The following TAOK3 variants were observed in gnomAD, a reference collection of about 807,000 sequenced individuals.
TAOK3 encodes TAO kinase 3, also known as serine/threonine-protein kinase TAO3.
In TAOK3, 40 loss-of-function variants were observed where a neutral mutation model predicts 120.4. The observed-to-expected ratio is 0.33, with a 90% confidence interval of 0.26 to 0.43. The LOEUF (loss-of-function observed/expected upper bound fraction) is 0.43. Ranked by LOEUF, TAOK3 falls within the 20% of genes least tolerant of loss-of-function variation. The pLI is 1.00. For synonymous variants in TAOK3, 355 were observed against 387.5 expected (o/e 0.92, Z 0.99); for missense variants, 821 against 1,112.1 (o/e 0.74, Z 3.72).
intron 1 of TAOK3, among the ~76,000 whole-genome samples, chr12:118,354,012 G>A (rs907632461): frequency 2.6e-5 from 4 of 152,044 alleles, no homozygotes; most frequent in African/African-American, 4.8e-5. Context: ...TTTTCAATAC[G>A]TCAACAAAGT....
chr12:118,352,040 AT>A (rs1566161859), intron 1 of TAOK3, among the ~76,000 whole-genome samples: 1 of 151,268 alleles, frequency 6.6e-6, no homozygotes, highest in South Asian at 2.1e-4. Flanking sequence ...CGCCTGGCTA[AT>A]TTTTTTATTT....
chr12:118,333,987 T>A lies in TAOK3; in HGVS notation c.-194+38661A>T, dbSNP rs531403941. 7.9e-5 allele frequency among the ~76,000 whole-genome samples: 12 copies of A among 151,610 alleles called. No homozygotes were observed. In the South Asian group the frequency reaches 2.3e-3, roughly 29 times the overall value. On this transcript the variant is annotated intron_variant, in intron 1 of 20. Transcript: ENST00000392533. ...CCCATCTCTACTAAAAATACAAAAT[T>A]AGCCAGGCGTGGTGGTGCATGCCTG...
At chr12:118,198,958 A>G in intron 13 of TAOK3, 93 bp downstream of exon 13, 3 of 1,424,690 alleles carry the variant, frequency 2.1e-6, no homozygotes, top group Non-Finnish European at 3.0e-6. Flanking sequence ...CAGTTGCAAA[A>G]AGGTAACTGA....
intron 1 of TAOK3, among the ~76,000 whole-genome samples, chr12:118,284,830 A>G (rs1252311430): frequency 6.6e-6 from 1 of 152,106 alleles, no homozygotes; most frequent in Non-Finnish European, 1.5e-5. Context: ...AATGTCATGA[A>G]AGCTAAGTAT....
intron 1 of TAOK3, among the ~76,000 whole-genome samples, chr12:118,367,303 A>G (rs2045764843): frequency 6.6e-6 from 1 of 151,570 alleles, no homozygotes; most frequent in Non-Finnish European, 1.5e-5. Context: ...CAATTCAGAC[A>G]GGAAAAAAAT....
chr12:118,190,235 T>C (rs1391848653), intron 13 of TAOK3: 2 of 331,572 alleles, frequency 6.0e-6, no homozygotes, highest in African/African-American at 4.1e-5. Flanking sequence ...AATAATGCAA[T>C]GTACAGACTC....
At chr12:118,273,569 C>A (rs1468512804) in intron 1 of TAOK3, among the ~76,000 whole-genome samples, 1 of 151,948 alleles carries the variant, frequency 6.6e-6, no homozygotes, top group African/African-American at 2.4e-5. Context: ...AATCTCAGCA[C>A]TTTGGGAGGC....
intron 1 of TAOK3, among the ~76,000 whole-genome samples, chr12:118,334,746 C>T (rs562249411): frequency 6.6e-5 from 10 of 151,048 alleles, no homozygotes; most frequent in African/African-American, 2.2e-4. Context: ...CGTGGTGGCA[C>T]GAGCCTGTAA....
intron 3 of TAOK3, among the ~76,000 whole-genome samples, chr12:118,253,837 A>G (rs1593309605): frequency 6.6e-6 from 1 of 151,446 alleles, no homozygotes; most frequent in Non-Finnish European, 1.5e-5. Context: ...TCAGATCACG[A>G]GGTCAGTTCA....
intron 1 of TAOK3, among the ~76,000 whole-genome samples, chr12:118,305,423 A>G (rs1002885251): frequency 2.0e-5 from 3 of 152,080 alleles, no homozygotes; most frequent in Non-Finnish European, 4.4e-5. Flanking sequence ...CAGTGAGCTG[A>G]GACTGTGCCA....
At chr12:118,173,266 G>A (rs78641187) in intron 16 of TAOK3, among the ~76,000 whole-genome samples, 4,613 of 152,324 alleles carry the variant, frequency 0.03, 94 homozygotes, top group Non-Finnish European at 0.041. Flanking sequence ...GAAGGTCAGA[G>A]GGGCTGGTGT....
intron 15 of TAOK3, 110 bp from the exon 16 acceptor site, chr12:118,177,439 T>A (rs894510893): frequency 2.5e-5 from 18 of 706,578 alleles, no homozygotes; most frequent in African/African-American, 3.7e-5. Flanking sequence ...TAATGAGACA[T>A]TTTTGAACAA....
intron 2 of TAOK3, among the ~76,000 whole-genome samples, chr12:118,266,312 C>G (rs1357902933): frequency 6.6e-6 from 1 of 152,096 alleles, no homozygotes; most frequent in Non-Finnish European, 1.5e-5. Context: ...CCTGCCTCAG[C>G]CTCCCCAGTA....
intron 1 of TAOK3, among the ~76,000 whole-genome samples, chr12:118,315,396 A>G (rs1830446083): frequency 6.6e-6 from 1 of 152,226 alleles, no homozygotes; most frequent in Non-Finnish European, 1.5e-5. Context: ...AGGAAAAACC[A>G]AGTTGAAGAA....
chr12:118,238,736 G>C (rs1358370534), intron 6 of TAOK3, among the ~76,000 whole-genome samples: 1 of 151,684 alleles, frequency 6.6e-6, no homozygotes, highest in Non-Finnish European at 1.5e-5. Flanking sequence ...CTGGGCTCAA[G>C]TGATCCTCCT....
rs140862138 is a variant in TAOK3 at position 118,184,913 on chromosome 12, C to A, written c.1330-3306G>T. ...AGAGAGGAACTACCACTGTCTTCCTCAGGGTCAGAGGACTTTCTCATGTGA... is the reference window on the plus strand; with the variant it reads ...AGAGAGGAACTACCACTGTCTTCCTAAGGGTCAGAGGACTTTCTCATGTGA... On this transcript the variant is annotated intron_variant, in intron 14 of 20. Transcript: ENST00000392533. Among the ~76,000 whole-genome samples, 1,082 of 152,274 alleles carry A rather than the reference C, an allele frequency of 7.1e-3. 7 individuals are homozygous for A. Among genetic ancestry groups the A allele is most frequent in the Middle Eastern group, 0.017 (5 of 294 alleles).
Position 118,255,645 on chromosome 12 carries a change from A to G in TAOK3, c.-78T>C. 1 of 1,433,528 alleles carries G rather than the reference A, an allele frequency of 7.0e-7. No individual in the cohort carries two copies. 88.8% of individuals were successfully genotyped at this position (1,433,528 alleles called of 1,614,324 possible). ...ATTGACAATTTTTTTTGGGGGGTAA[A>G]TCTTCAGTACCTGTAGAAAAATAAG... On this transcript the variant is annotated 5_prime_UTR_variant, in exon 3 of 21. Coordinates refer to ENST00000392533, the MANE Select transcript of TAOK3 (RefSeq NM_016281.4).
chr12:118,156,119 A>G (rs1002167752), intron 19 of TAOK3, among the ~76,000 whole-genome samples: 3 of 152,070 alleles, frequency 2.0e-5, no homozygotes, highest in African/African-American at 7.2e-5. Context: ...ACAAGACAAA[A>G]ACCCTATCAA....
At chr12:118,332,975 A>AACACACACACACAC (rs146893418) in intron 1 of TAOK3, among the ~76,000 whole-genome samples, 7,760 of 149,674 alleles carry the variant, frequency 0.052, 330 homozygotes, top group East Asian at 0.22. Context: ...CAACAGTTTC[A>AACACACACACACAC]ACACACACAC....
Sources: allele counts gnomAD v4.1 joint callset (sites outside exome capture counted in the v4.1 genomes callset), GRCh38; gene constraint gnomAD v4.1.1; transcripts MANE v1.5; gene names NCBI Gene and HGNC (gene_info 2026-07-23, HGNC 2026-07-21).